The following FRMD1 variants were observed in gnomAD, a reference collection of about 807,000 sequenced individuals.
FRMD1 encodes the protein FERM domain-containing protein 1.
FRMD1 carries 51 observed loss-of-function variants against 54.9 expected under a neutral mutation model. The observed-to-expected ratio is 0.93, with a 90% confidence interval of 0.74 to 1.17. The LOEUF (loss-of-function observed/expected upper bound fraction) is 1.17, where lower values mean the gene tolerates loss of function less well. Ranked by LOEUF, FRMD1 falls within the 50% of genes most tolerant of loss-of-function variation. FRMD1 has a pLI of 0.00. For missense variants in FRMD1, 729 were observed against 743.0 expected (o/e 0.98, Z 0.22); for synonymous variants, 324 against 306.4 (o/e 1.06, Z -0.60).
At chr6:168,067,560 C>T (rs1314547542) in intron 2 of FRMD1, 114 bp from the exon 3 acceptor site, 12 of 675,820 alleles carry the variant, frequency 1.8e-5, no homozygotes, top group South Asian at 7.7e-5. Context: ...GAAAACTGTG[C>T]GTCTGCAGCT....
intron 1 of FRMD1, among the ~76,000 whole-genome samples, chr6:168,088,255 C>T (rs1386882517): frequency 1.3e-5 from 2 of 152,228 alleles, no homozygotes; most frequent in Non-Finnish European, 2.9e-5. Flanking sequence ...AGCCACCACC[C>T]TCCCGCCGTC....
In FRMD1 at chr6:168,063,770, C is replaced by G; in HGVS notation, c.649-14G>C. ...CTTGGTGATGATCTGAGGACAGAGC[C>G]GGGAGGTCAGCTCAGACCCCTGCTG... On this transcript the variant is annotated splice_polypyrimidine_tract_variant and intron_variant, in intron 5 of 10. Coordinates refer to ENST00000283309, the MANE Select transcript of FRMD1 (RefSeq NM_024919.6). 1 of 1,604,556 alleles carries G rather than the reference C, an allele frequency of 6.2e-7. No homozygotes were observed. The highest frequency in any genetic ancestry group is 1.1e-5 in the South Asian group (1 of 89,516).
chr6:168,085,221 C>G (rs573350812), upstream of FRMD1, among the ~76,000 whole-genome samples: 9 of 152,368 alleles, frequency 5.9e-5, no homozygotes, highest in African/African-American at 2.2e-4. Flanking sequence ...AGGCCCCAAC[C>G]TGAGGGCCTG....
chr6:168,066,908 G>T (rs1800061047), intron 3 of FRMD1, 77 bp from the exon 4 acceptor site: 1 of 1,566,446 alleles, frequency 6.4e-7, no homozygotes, highest in Non-Finnish European at 8.7e-7. Flanking sequence ...CCAGTTGGGG[G>T]GGCCTGGATT....
At chr6:168,062,753 G>GAGGCAGGGCGCGTCC (rs1562411083) in intron 7 of FRMD1, 141 bp downstream of exon 7, 2 of 1,575,526 alleles carry the variant, frequency 1.3e-6, no homozygotes, top group South Asian at 2.3e-5. Context: ...CGGGACAGCA[G>GAGGCAGGGCGCGTCC]AGGCAGGGCG....
intron 2 of FRMD1, among the ~76,000 whole-genome samples, chr6:168,071,547 T>C (rs1800309228): frequency 1.3e-5 from 2 of 152,284 alleles, no homozygotes; most frequent in African/African-American, 2.4e-5. Context: ...GGCGGATTCC[T>C]GGATCACCAG....
intron 2 of FRMD1, among the ~76,000 whole-genome samples, chr6:168,068,658 C>T (rs76021027): frequency 0.01 from 1,554 of 152,246 alleles, 37 homozygotes; most frequent in African/African-American, 0.034. Flanking sequence ...ATGCGGAACC[C>T]GTGGATACAG....
chr6:168,075,484 C>T (rs758193676), intron 1 of FRMD1, 149 bp from the exon 2 acceptor site: 71 of 707,886 alleles, frequency 1.0e-4, no homozygotes, highest in Non-Finnish European at 1.6e-4. Flanking sequence ...TCACTCTCTC[C>T]CAAAGCTAAA....
rs1478571106 is a variant in FRMD1, at chr6:168,053,171, C to CACCCGTGTTT, written c.*3925_*3926insAAACACGGGT. 6.6e-6 allele frequency: 1 copy of CACCCGTGTTT among 152,114 alleles called. No homozygotes were observed. Among genetic ancestry groups the CACCCGTGTTT allele is most frequent in the East Asian group, 1.9e-4 (1 of 5,188 alleles). 9.4% of individuals were successfully genotyped at this position (152,114 alleles called of 1,614,324 possible). ...CGCGCCATTTTCCCCACTGCGTGTTCACCTCTTCACGCGCCTTTGTAGAAT... is the reference window on the plus strand; with the variant it reads ...CGCGCCATTTTCCCCACTGCGTGTTCACCCGTGTTTACCTCTTCACGCGCCTTTGTAGAAT... On this transcript the variant is annotated 3_prime_UTR_variant, in exon 11 of 11. Transcript: ENST00000283309.
At chr6:168,066,644 T>C in intron 4 of FRMD1, 111 bp downstream of exon 4, 1 of 1,449,290 alleles carries the variant, frequency 6.9e-7, no homozygotes, top group Non-Finnish European at 9.1e-7. Flanking sequence ...TTGTTTGTTT[T>C]TTGTTTTTGG....
Position 168,057,059 on chromosome 6 carries a change from GC to G in FRMD1, c.*37del, listed in dbSNP as rs1799439513. ...TGGAAGTGGGGTGGGCAGGGGCTGA[GC>G]CTGGCGGTGCGGACGGTACTGCTGG... On this transcript the variant is annotated 3_prime_UTR_variant, in exon 11 of 11. Transcript: ENST00000283309. 6.9e-7 allele frequency: 1 copy of G among 1,440,032 alleles called. No individual in the cohort carries two copies. The highest frequency in any genetic ancestry group is 1.5e-5 in the African/African-American group (1 of 68,918). 89.2% of individuals were successfully genotyped at this position (1,440,032 alleles called of 1,614,324 possible).
intron 8 of FRMD1, 52 bp downstream of exon 8, chr6:168,061,755 C>T: frequency 1.3e-6 from 2 of 1,496,916 alleles, no homozygotes. Flanking sequence ...CCCAGCCTAG[C>T]CCAGAAGGCA....
intron 10 of FRMD1, among the ~76,000 whole-genome samples, chr6:168,058,730 A>G (rs1309718099): frequency 4.6e-5 from 7 of 152,198 alleles, no homozygotes; most frequent in Non-Finnish European, 1.0e-4. Flanking sequence ...GCAGCCCTGC[A>G]CACACAGCAC....
intron 1 of FRMD1, chr6:168,075,878 T>A: frequency 1.1e-6 from 1 of 897,420 alleles, no homozygotes; most frequent in Non-Finnish European, 1.5e-6. Context: ...GTGCCCGGTG[T>A]CCACATTTCC....
At chr6:168,090,792 A>T (rs1801003282) in intron 1 of FRMD1, among the ~76,000 whole-genome samples, 1 of 152,224 alleles carries the variant, frequency 6.6e-6, no homozygotes, top group Non-Finnish European at 1.5e-5. Context: ...CACCCAGGGC[A>T]CACGTCCACC....
Position 168,079,033 on chromosome 6 carries a change from G to T in FRMD1, c.62C>A (p.Pro21His). The T allele has an allele frequency of 6.2e-7, 1 of 1,611,776 alleles. No individual in the cohort carries two copies. Among genetic ancestry groups the T allele is most frequent in the Non-Finnish European group, 8.5e-7 (1 of 1,179,950 alleles). ...TTCCATACATCGCGCCCCTGAAGGAGGGAACGTGTCAGGGTTTGTCCGGGC... is the reference window on the plus strand; with the variant it reads ...TTCCATACATCGCGCCCCTGAAGGATGGAACGTGTCAGGGTTTGTCCGGGC... The part of the protein sequence containing the change: ...DPARTNPDTF[P>H]PSGARCMEPS... The change falls in exon 1 of 11, where the codon CCT (proline) becomes CAT (histidine). Residue 21 changes from proline to histidine, a missense_variant. Coordinates refer to ENST00000283309, the MANE Select transcript of FRMD1 (RefSeq NM_024919.6).
At chr6:168,066,348 A>C in intron 4 of FRMD1, 1 of 519,964 alleles carries the variant, frequency 1.9e-6, no homozygotes, top group Non-Finnish European at 2.5e-6. Context: ...AAAATACAAA[A>C]TTAGCCAGGT....
chr6:168,067,576 T>A, intron 2 of FRMD1, 130 bp from the exon 3 acceptor site: 1 of 635,906 alleles, frequency 1.6e-6, no homozygotes, highest in Admixed American at 3.0e-5. Flanking sequence ...CAGCTGACGC[T>A]GCATATGGGG....
upstream of FRMD1, among the ~76,000 whole-genome samples, chr6:168,085,984 A>G (rs567829041): frequency 3.9e-5 from 6 of 152,380 alleles, no homozygotes; most frequent in African/African-American, 1.4e-4. Flanking sequence ...AAGTTTGGCG[A>G]AAAAGTGCAA....
Sources: allele counts gnomAD v4.1 joint callset (sites outside exome capture counted in the v4.1 genomes callset), GRCh38; gene constraint gnomAD v4.1.1; transcripts MANE v1.5; gene names NCBI Gene and HGNC (gene_info 2026-07-23, HGNC 2026-07-21).